The following RALYL variants were observed in gnomAD, a reference collection of about 807,000 sequenced individuals.
RALYL encodes RNA-binding Raly-like protein.
RALYL carries 29 observed loss-of-function variants against 35.1 expected under a neutral mutation model. That is an observed-to-expected ratio of 0.83 (90% CI 0.61 to 1.13). The LOEUF (loss-of-function observed/expected upper bound fraction) is 1.13. Among genes scored for constraint, RALYL ranks in the 50% most tolerant of loss-of-function variants. RALYL has a pLI of 0.00. For synonymous variants in RALYL, 120 were observed against 127.6 expected, an observed-to-expected ratio of 0.94 and a Z score of 0.40; for missense variants, 359 against 360.4, an observed-to-expected ratio of 1.00 and a Z score of 0.03.
intron 2 of RALYL, among the ~76,000 whole-genome samples, chr8:84,708,957 A>G (rs1841688679): frequency 6.6e-6 from 1 of 152,196 alleles, no homozygotes; most frequent in African/African-American, 2.4e-5. Flanking sequence ...CAGATATGTA[A>G]CATTTCATCT....
chr8:84,392,481 A>G (rs542045255), intron 1 of RALYL, among the ~76,000 whole-genome samples: 1 of 152,148 alleles, frequency 6.6e-6, no homozygotes, highest in African/African-American at 2.4e-5. Flanking sequence ...GTGGACTGAT[A>G]GATACCTTAG....
intron 1 of RALYL, among the ~76,000 whole-genome samples, chr8:84,375,624 T>C (rs1856761606): frequency 6.6e-6 from 1 of 151,836 alleles, no homozygotes; most frequent in East Asian, 1.9e-4. Context: ...TGAATGTTAA[T>C]GGTACAAAAG....
chr8:84,439,751 C>T (rs774108882), intron 1 of RALYL, among the ~76,000 whole-genome samples: 1 of 151,914 alleles, frequency 6.6e-6, no homozygotes, highest in Non-Finnish European at 1.5e-5. Flanking sequence ...TTTTCTTCAG[C>T]CAAATTTAAT....
At chr8:84,578,377 TG>T (rs1418399567) in intron 2 of RALYL, among the ~76,000 whole-genome samples, 5 of 152,216 alleles carry the variant, frequency 3.3e-5, no homozygotes, top group Non-Finnish European at 1.5e-5. Flanking sequence ...CACCTAGGTC[TG>T]GGCTCCCAAA....
intron 1 of RALYL, among the ~76,000 whole-genome samples, chr8:84,212,742 G>T (rs1819796009): frequency 6.6e-6 from 1 of 152,054 alleles, no homozygotes; most frequent in Admixed American, 6.6e-5. Flanking sequence ...CTAAAAATAT[G>T]CTCTATGAGT....
chr8:84,440,277 A>T (rs2048193061), intron 1 of RALYL, among the ~76,000 whole-genome samples: 1 of 152,126 alleles, frequency 6.6e-6, no homozygotes, highest in African/African-American at 2.4e-5. Context: ...GATAATGTTC[A>T]CACTGGTCAC....
chr8:84,772,137 C>G (rs1815684151), intron 2 of RALYL, among the ~76,000 whole-genome samples: 1 of 152,088 alleles, frequency 6.6e-6, no homozygotes, highest in Non-Finnish European at 1.5e-5. Flanking sequence ...TATGTCGGCT[C>G]CATGTGTTTA....
At position 84,249,944 on chromosome 8, in the gene RALYL, A is replaced by AT. The variant is rs1215342473; in HGVS notation, c.-24+65529dup. ...AATAACAAGAAGATATAAAAAGGTG[A>AT]TTTTTTTTTAGTAAGTAAAGTATTT... On this transcript the variant is annotated intron_variant, in intron 1 of 8. Coordinates refer to ENST00000521268, the MANE Select transcript of RALYL (RefSeq NM_173848.7). Among the ~76,000 whole-genome samples the AT allele has an allele frequency of 1.9e-3, 283 of 151,218 alleles. 2 individuals carry two copies. The highest frequency in any genetic ancestry group is 2.3e-3 in the East Asian group (12 of 5,152).
intron 4 of RALYL, among the ~76,000 whole-genome samples, chr8:84,831,967 T>G (rs78638062): frequency 0.034 from 5,200 of 152,194 alleles, 516 homozygotes; most frequent in East Asian, 0.22. Context: ...CTAGGTATTT[T>G]GGGAAAATGG....
chr8:84,560,891 C>G (rs1444007571), intron 2 of RALYL, among the ~76,000 whole-genome samples: 1 of 151,958 alleles, frequency 6.6e-6, no homozygotes, highest in African/African-American at 2.4e-5. Flanking sequence ...TTCTCTATTT[C>G]TGGTTCTCTG....
At chr8:84,860,671 TGCTA>T (rs1331741030) in intron 5 of RALYL, among the ~76,000 whole-genome samples, 1 of 152,210 alleles carries the variant, frequency 6.6e-6, no homozygotes, top group Non-Finnish European at 1.5e-5. Flanking sequence ...ACCTGTTCTT[TGCTA>T]GCTGTTCTTC....
intron 1 of RALYL, among the ~76,000 whole-genome samples, chr8:84,191,522 A>T (rs543273370): frequency 3.3e-5 from 5 of 152,134 alleles, no homozygotes; most frequent in Non-Finnish European, 7.4e-5. Context: ...GTCTTCCTTA[A>T]CCTAGAATTG....
rs1276236114 is a variant in RALYL, at chr8:84,473,327, A to AATTTAATATTGATTTATTAG, written c.-23-55961_-23-55942dup. On this transcript the variant is annotated intron_variant, in intron 1 of 8. Transcript: ENST00000521268. ...TTAGATTTAAAAATATTAGTTTTTAAATTTAATATTGATTTATTAGATTTA... is the reference window on the plus strand; with the variant it reads ...TTAGATTTAAAAATATTAGTTTTTAAATTTAATATTGATTTATTAGATTTAATATTGATTTATTAGATTTA... Among the ~76,000 whole-genome samples, 357 of 151,600 alleles carry AATTTAATATTGATTTATTAG rather than the reference A, an allele frequency of 2.4e-3. 1 individual carries two copies. The highest frequency in any genetic ancestry group is 7.8e-3 in the African/African-American group (323 of 41,502).
chr8:84,786,066 T>C (rs1819378339), intron 3 of RALYL, among the ~76,000 whole-genome samples: 1 of 152,208 alleles, frequency 6.6e-6, no homozygotes. Context: ...CACTTGTAAG[T>C]GAGAACATGT....
In RALYL at chr8:84,363,906, T is replaced by C. The variant is rs565442171; in HGVS notation, c.-23-165393T>C. ...AAGCAGTCATTCCCTTAGGTGTATCTATGTGCAATAAAGCTGAGAACCACT... is the reference window on the plus strand; with the variant it reads ...AAGCAGTCATTCCCTTAGGTGTATCCATGTGCAATAAAGCTGAGAACCACT... On this transcript the variant is annotated intron_variant, in intron 1 of 8. Coordinates refer to ENST00000521268, the MANE Select transcript of RALYL (RefSeq NM_173848.7). 4.6e-5 allele frequency among the ~76,000 whole-genome samples: 7 copies of C among 152,304 alleles called. No homozygotes were observed. In the South Asian group the frequency reaches 1.4e-3, roughly 32 times the overall value.
chr8:84,473,881 A>T (rs189415448), intron 1 of RALYL, among the ~76,000 whole-genome samples: 1 of 152,162 alleles, frequency 6.6e-6, no homozygotes, highest in African/African-American at 2.4e-5. Context: ...TAGTATTAAT[A>T]TTACTATACA....
intron 2 of RALYL, among the ~76,000 whole-genome samples, chr8:84,629,502 T>G (rs1232970880): frequency 6.6e-6 from 1 of 152,018 alleles, no homozygotes; most frequent in East Asian, 1.9e-4. Flanking sequence ...GACTTAATCC[T>G]CAATAATGGC....
intron 1 of RALYL, among the ~76,000 whole-genome samples, chr8:84,506,229 G>T (rs956184099): frequency 6.6e-6 from 1 of 152,012 alleles, no homozygotes; most frequent in Admixed American, 6.6e-5. Context: ...TAAAGAAAGT[G>T]ATACCATTAT....
chr8:84,339,843 GT>G (rs1848476645), intron 1 of RALYL, among the ~76,000 whole-genome samples: 1 of 152,054 alleles, frequency 6.6e-6, no homozygotes, highest in Non-Finnish European at 1.5e-5. Context: ...TCCTCCATGA[GT>G]TGTTCTTTCA....
Sources: allele counts gnomAD v4.1 joint callset (sites outside exome capture counted in the v4.1 genomes callset), GRCh38; gene constraint gnomAD v4.1.1; transcripts MANE v1.5; gene names NCBI Gene and HGNC (gene_info 2026-07-23, HGNC 2026-07-21).